TSPAN18: variants seen among roughly 807,000 people sequenced by gnomAD.
The protein encoded by TSPAN18 is tetraspanin-18.
In TSPAN18, 14 loss-of-function variants were observed where a neutral mutation model predicts 27.3. The ratio of observed to expected loss-of-function variants is 0.51; its 90% CI spans 0.34 to 0.80. The LOEUF is 0.80. Ranked by LOEUF, TSPAN18 falls within the 30% of genes least tolerant of loss-of-function variation. The probability of loss-of-function intolerance (pLI) is 0.01; values close to 1 mark genes in which losing one functional copy is unlikely to be tolerated. For missense variants in TSPAN18, 268 were observed against 323.9 expected (o/e 0.83, Z 1.32); for synonymous variants, 143 against 136.5 (o/e 1.05, Z -0.33).
chr11:44,802,142 TCTC>T (rs1233278888), intron 2 of TSPAN18, among the ~76,000 whole-genome samples: 1 of 152,048 alleles, frequency 6.6e-6, no homozygotes, highest in East Asian at 2.0e-4. Context: ...CTGGAGAGTC[TCTC>T]CTCAAGCTGG....
Position 44,929,249 on chromosome 11 carries a change from C to A in TSPAN18, c.*71C>A. On this transcript the variant is annotated 3_prime_UTR_variant, in exon 10 of 10. Coordinates refer to ENST00000520358, the MANE Select transcript of TSPAN18 (RefSeq NM_130783.5). ...CAGCACCCAGTGTCCTCCCGTGCCC[C>A]TCCCCGCTGTCCTCTTGGCCCCAGG... is the stretch of plus-strand genomic sequence containing the variant. 1 of 1,592,498 alleles carries A rather than the reference C, an allele frequency of 6.3e-7. No homozygotes were observed. The highest frequency in any genetic ancestry group is 8.6e-7 in the Non-Finnish European group (1 of 1,163,932).
intron 1 of TSPAN18, among the ~76,000 whole-genome samples, chr11:44,748,105 T>A (rs576759624): frequency 6.6e-6 from 1 of 152,154 alleles, no homozygotes; most frequent in Non-Finnish European, 1.5e-5. Context: ...TGGTTTATGT[T>A]TAGAGAGATC....
chr11:44,900,680 C>CTTTTTTT (rs72469181), intron 3 of TSPAN18, among the ~76,000 whole-genome samples: 3 of 49,728 alleles, frequency 6.0e-5, no homozygotes, highest in African/African-American at 2.7e-4. Flanking sequence ...TTGAGGAAGG[C>CTTTTTTT]TTTTTTTTTT....
chr11:44,895,344 C>T (rs1859003558), intron 3 of TSPAN18, among the ~76,000 whole-genome samples: 1 of 152,214 alleles, frequency 6.6e-6, no homozygotes, highest in Non-Finnish European at 1.5e-5. Flanking sequence ...TGAATTCTTA[C>T]AACCACCTTT....
intron 3 of TSPAN18, chr11:44,897,630 T>G: frequency 1.9e-6 from 1 of 521,446 alleles, no homozygotes; most frequent in Non-Finnish European, 3.2e-6. Context: ...GGGCCCAGAT[T>G]AGCAGGACAG....
intron 2 of TSPAN18, among the ~76,000 whole-genome samples, chr11:44,837,991 G>GAGAT (rs1857296920): frequency 1.3e-5 from 2 of 152,166 alleles, no homozygotes; most frequent in South Asian, 4.2e-4. Flanking sequence ...GAATATCACT[G>GAGAT]AGATATGCTT....
intron 2 of TSPAN18, among the ~76,000 whole-genome samples, chr11:44,806,458 G>A (rs146852460): frequency 7.2e-5 from 11 of 152,310 alleles, no homozygotes; most frequent in Middle Eastern, 3.4e-3. Context: ...ACACTGTTCC[G>A]GATTTGCCAG....
At chr11:44,763,651 C>T (rs1463869431) in intron 1 of TSPAN18, among the ~76,000 whole-genome samples, 1 of 152,110 alleles carries the variant, frequency 6.6e-6, no homozygotes, top group Non-Finnish European at 1.5e-5. Flanking sequence ...CTGGAGTTCC[C>T]ACACCAAGTT....
At chr11:44,828,021 A>G (rs540898537) in intron 2 of TSPAN18, among the ~76,000 whole-genome samples, 1 of 152,298 alleles carries the variant, frequency 6.6e-6, no homozygotes, top group South Asian at 2.1e-4. Context: ...GTTTCCCCAC[A>G]GGGAAGACTT....
intron 1 of TSPAN18, among the ~76,000 whole-genome samples, chr11:44,738,483 T>G (rs941832292): frequency 6.6e-6 from 1 of 152,194 alleles, no homozygotes; most frequent in Non-Finnish European, 1.5e-5. Flanking sequence ...AACACATAAC[T>G]TATGAGTTGT....
intron 2 of TSPAN18, among the ~76,000 whole-genome samples, chr11:44,834,052 C>G (rs552011605): frequency 6.6e-6 from 1 of 151,752 alleles, no homozygotes; most frequent in African/African-American, 2.4e-5. Context: ...TACAAGCAGT[C>G]CCAGCGATCA....
chr11:44,763,602 CA>C (rs1353056914), intron 1 of TSPAN18, among the ~76,000 whole-genome samples: 1 of 152,180 alleles, frequency 6.6e-6, no homozygotes, highest in Non-Finnish European at 1.5e-5. Flanking sequence ...TTCCTAGTTT[CA>C]AAATGACTCA....
chr11:44,908,515 C>G (rs1369500317), intron 4 of TSPAN18, among the ~76,000 whole-genome samples: 1 of 152,058 alleles, frequency 6.6e-6, no homozygotes, highest in African/African-American at 2.4e-5. Context: ...AGGAGGATCA[C>G]TTGAGCCCAG....
chr11:44,847,689 T>C (rs906198240), intron 2 of TSPAN18, among the ~76,000 whole-genome samples: 5 of 152,202 alleles, frequency 3.3e-5, no homozygotes, highest in African/African-American at 1.2e-4. Flanking sequence ...CAGGTTGAAC[T>C]TTTTGAGAAC....
intron 9 of TSPAN18, among the ~76,000 whole-genome samples, chr11:44,927,060 CAG>C (rs1860386840): frequency 6.6e-6 from 1 of 152,332 alleles, no homozygotes; most frequent in South Asian, 2.1e-4. Flanking sequence ...CTCCATGGTC[CAG>C]AGAGATTTCA....
chr11:44,905,182 G>C (rs920029728), intron 3 of TSPAN18, among the ~76,000 whole-genome samples: 1 of 152,120 alleles, frequency 6.6e-6, no homozygotes, highest in Non-Finnish European at 1.5e-5. Flanking sequence ...CTTTGAGTCA[G>C]ACTTAGCAAC....
At chr11:44,863,713 C>T (rs1390035345) in intron 3 of TSPAN18, among the ~76,000 whole-genome samples, 1 of 152,164 alleles carries the variant, frequency 6.6e-6, no homozygotes, top group Non-Finnish European at 1.5e-5. Flanking sequence ...CATTGTATTC[C>T]ATGTCAGACC....
At chr11:44,811,216 A>G (rs1401204645) in intron 2 of TSPAN18, among the ~76,000 whole-genome samples, 1 of 150,182 alleles carries the variant, frequency 6.7e-6, no homozygotes, top group South Asian at 2.1e-4. Flanking sequence ...CAGCTTTTCC[A>G]CTAGTTGTTG....
At position 44,764,443 on chromosome 11, in the gene TSPAN18, C is replaced by T. The variant is rs1855520481; in HGVS notation, c.-222C>T. 1 of 152,248 alleles carries T rather than the reference C, an allele frequency of 6.6e-6. No individual in the cohort carries two copies. Among genetic ancestry groups the T allele is most frequent in the South Asian group, 2.1e-4 (1 of 4,834 alleles). 9.4% of individuals were successfully genotyped at this position (152,248 alleles called of 1,614,324 possible). On this transcript the variant is annotated 5_prime_UTR_variant, in exon 2 of 10. Transcript: ENST00000520358. ...TTCTCTAGAGTGTATCCAGAAGCTA[C>T]TGTCAGGAGGACACTGTAAGAGAAC... is the stretch of plus-strand genomic sequence containing the variant.
Sources: allele counts gnomAD v4.1 joint callset (sites outside exome capture counted in the v4.1 genomes callset), GRCh38; gene constraint gnomAD v4.1.1; transcripts MANE v1.5; gene names NCBI Gene and HGNC (gene_info 2026-07-23, HGNC 2026-07-21).